TAF13: variants seen among roughly 807,000 people sequenced by gnomAD.
TAF13 encodes the protein transcription initiation factor TFIID subunit 13.
TAF13 carries 9 observed loss-of-function variants against 18.7 expected under a neutral mutation model. The ratio of observed to expected loss-of-function variants is 0.48; its 90% CI spans 0.29 to 0.84. The LOEUF (loss-of-function observed/expected upper bound fraction) is 0.84, where lower values mean the gene tolerates loss of function less well. Among genes scored for constraint, TAF13 ranks in the 40% least tolerant of loss-of-function variants. The pLI is 0.08. For missense variants in TAF13, 105 were observed against 146.5 expected, an observed-to-expected ratio of 0.72 and a Z score of 1.46; for synonymous variants, 49 against 44.1, an observed-to-expected ratio of 1.11 and a Z score of -0.44.
At chr1:109,071,520 G>A (rs1410547332) in intron 2 of TAF13, among the ~76,000 whole-genome samples, 3 of 151,904 alleles carry the variant, frequency 2.0e-5, no homozygotes, top group African/African-American at 7.3e-5. Flanking sequence ...TGAGGTGGGA[G>A]GATCACTTGA....
At chr1:109,068,190 C>G (rs1663984774) in intron 2 of TAF13, among the ~76,000 whole-genome samples, 1 of 152,180 alleles carries the variant, frequency 6.6e-6, no homozygotes, top group Non-Finnish European at 1.5e-5. Context: ...GGGTGGAGTG[C>G]AATGGCACGA....
chr1:109,064,306 T>G lies in TAF13; in HGVS notation c.*217A>C. The G allele has an allele frequency of 2.8e-6, 1 of 360,598 alleles. No homozygotes were observed. The highest frequency in any genetic ancestry group is 4.9e-6 in the Non-Finnish European group (1 of 205,362). The allele number at this position is 360,598 out of a possible 1,614,324, so 22.3% of individuals were successfully genotyped here. On this transcript the variant is annotated 3_prime_UTR_variant, in exon 4 of 4. Transcript: ENST00000338366. ...GGTACTTTGACTTATGTGTGGTCAT[T>G]AAAACCCAGTAAGTAATTCAAGTAT...
chr1:109,068,654 C>CTGGGCG, intron 2 of TAF13, among the ~76,000 whole-genome samples: 2 of 152,228 alleles, frequency 1.3e-5, no homozygotes, highest in African/African-American at 4.8e-5. Context: ...AGCTGAGATC[C>CTGGGCG]ACAGAGGTTC....
intron 2 of TAF13, among the ~76,000 whole-genome samples, chr1:109,071,965 T>A (rs1009092884): frequency 0.044 from 338 of 7,708 alleles, 18 homozygotes; most frequent in South Asian, 0.34. Context: ...AAAATATATA[T>A]ATATATATAT....
intron 2 of TAF13, among the ~76,000 whole-genome samples, chr1:109,071,486 T>A (rs1664051615): frequency 6.6e-6 from 1 of 151,334 alleles, no homozygotes; most frequent in East Asian, 1.9e-4. Flanking sequence ...GGCATGCACC[T>A]ATAGTCCCAG....
intron 2 of TAF13, among the ~76,000 whole-genome samples, chr1:109,073,026 C>G (rs1664103313): frequency 6.6e-6 from 1 of 151,646 alleles, no homozygotes; most frequent in Non-Finnish European, 1.5e-5. Flanking sequence ...AGCCACTGCA[C>G]CCAGCTGTTC....
At chr1:109,073,878 G>A (rs915056327) in intron 2 of TAF13, among the ~76,000 whole-genome samples, 3 of 152,004 alleles carry the variant, frequency 2.0e-5, no homozygotes, top group East Asian at 3.9e-4. Flanking sequence ...TCTGGGATGT[G>A]AGGAGCGCCT....
intron 2 of TAF13, among the ~76,000 whole-genome samples, chr1:109,073,270 T>C (rs1664106042): frequency 6.6e-6 from 1 of 150,736 alleles, no homozygotes; most frequent in South Asian, 2.2e-4. Flanking sequence ...CCGGGTGCAG[T>C]GGCTCACGCC....
intron 3 of TAF13, among the ~76,000 whole-genome samples, chr1:109,065,931 A>G (rs983044922): frequency 6.6e-6 from 1 of 152,122 alleles, no homozygotes; most frequent in African/African-American, 2.4e-5. Context: ...CAAAAAAAAA[A>G]AAAAACAAAA....
intron 2 of TAF13, among the ~76,000 whole-genome samples, chr1:109,072,802 A>G (rs1377175452): frequency 1.5e-5 from 2 of 136,458 alleles, no homozygotes; most frequent in Non-Finnish European, 3.1e-5. Flanking sequence ...TTTTTTTAAG[A>G]CAGAGTCTTG....
At chr1:109,075,862 C>T (rs764379545) in intron 1 of TAF13, 59 bp downstream of exon 1, 38 of 1,611,474 alleles carry the variant, frequency 2.4e-5, no homozygotes, top group Non-Finnish European at 3.1e-5. Flanking sequence ...ACTCTGCCTC[C>T]GCTACTGAGC....
chr1:109,068,229 G>A (rs1009188229), intron 2 of TAF13, among the ~76,000 whole-genome samples: 2 of 152,142 alleles, frequency 1.3e-5, no homozygotes, highest in African/African-American at 4.8e-5. Context: ...TCCACCTCCC[G>A]GATTCAAGAG....
rs1663917531 is a variant in TAF13 at position 109,064,454 on chromosome 1, A to G, written c.*69T>C. On this transcript the variant is annotated 3_prime_UTR_variant, in exon 4 of 4. Coordinates refer to ENST00000338366, the MANE Select transcript of TAF13 (RefSeq NM_005645.4). ...TTACATGGCTAGATATCAGAATCTTACTTTAGAAAATATACAATTATTATA... is the reference window on the plus strand; with the variant it reads ...TTACATGGCTAGATATCAGAATCTTGCTTTAGAAAATATACAATTATTATA... 1 of 1,264,878 alleles carries G rather than the reference A, an allele frequency of 7.9e-7. No individual in the cohort carries two copies. The highest frequency in any genetic ancestry group is 1.0e-6 in the Non-Finnish European group (1 of 974,290). 78.4% of individuals were successfully genotyped at this position (1,264,878 alleles called of 1,614,324 possible).
At chr1:109,068,471 A>G (rs914874846) in intron 2 of TAF13, among the ~76,000 whole-genome samples, 1 of 152,006 alleles carries the variant, frequency 6.6e-6, no homozygotes, top group African/African-American at 2.4e-5. Context: ...GGGTCTTGCT[A>G]TGTTGCCTAG....
rs1557985869 is a variant in TAF13, at chr1:109,071,961, TATATATATATATATACACAC to T, written c.106+3006_106+3025del. On this transcript the variant is annotated intron_variant, in intron 2 of 3. Coordinates refer to ENST00000338366, the MANE Select transcript of TAF13 (RefSeq NM_005645.4). Reference sequence around the variant, plus strand: ...GAGACTCTGTCTCAAAAAGAAAATATATATATATATATATACACACATATATATATATATATATATATATA... The same window carrying T: ...GAGACTCTGTCTCAAAAAGAAAATATATATATATATATATATATATATATA... Among the ~76,000 whole-genome samples, 51 of 7,826 alleles carry T rather than the reference TATATATATATATATACACAC, an allele frequency of 6.5e-3. 2 individuals are homozygous for T. The highest frequency in any genetic ancestry group is 0.019 in the Admixed American group (12 of 628). The allele number at this position is 7,826 out of a possible 152,430, so 5.1% of individuals were successfully genotyped here.
chr1:109,075,584 T>C (rs1664165290), intron 1 of TAF13, among the ~76,000 whole-genome samples: 2 of 152,200 alleles, frequency 1.3e-5, no homozygotes, highest in Admixed American at 6.6e-5. Flanking sequence ...AATGCATTCT[T>C]TTCCCATTAC....
chr1:109,072,235 C>T (rs911949332), intron 2 of TAF13, among the ~76,000 whole-genome samples: 1 of 150,790 alleles, frequency 6.6e-6, no homozygotes, highest in African/African-American at 2.4e-5. Flanking sequence ...GCGGCCTCAT[C>T]TCTCAATACT....
chr1:109,072,434 T>C (rs990003228), intron 2 of TAF13, among the ~76,000 whole-genome samples: 16 of 151,790 alleles, frequency 1.1e-4, no homozygotes, highest in African/African-American at 3.9e-4. Context: ...CTCCATGTTA[T>C]TGTTTATTTT....
At chr1:109,071,960 ATATATATATATATATACAC>A (rs1557985861) in intron 2 of TAF13, among the ~76,000 whole-genome samples, 104 of 4,782 alleles carry the variant, frequency 0.022, 6 homozygotes, top group Non-Finnish European at 0.03. Context: ...AAAAGAAAAT[ATATATATATATATATACAC>A]ACATATATAT....
Sources: gnomAD v4.1 joint callset for allele counts (sites outside exome capture counted in the v4.1 genomes callset) on GRCh38, gnomAD v4.1.1 for gene constraint, MANE v1.5 for transcripts, NCBI Gene and HGNC (gene_info 2026-07-23, HGNC 2026-07-21) for gene names.